Variants in EDA2R observed in about 807,000 individuals in gnomAD.
EDA2R encodes ectodysplasin A2 receptor, also known as tumor necrosis factor receptor superfamily member 27.
Under a neutral mutation model 20.1 loss-of-function variants are expected in EDA2R, and 26 were observed. That is an observed-to-expected ratio of 1.30 (90% CI 0.95 to 1.80). EDA2R has a LOEUF of 1.80. Ranked by LOEUF, EDA2R falls within the 40% of genes most tolerant of loss-of-function variation. EDA2R has a pLI of 0.00. For synonymous variants in EDA2R, 114 were observed against 88.7 expected, an observed-to-expected ratio of 1.29 and a Z score of -1.60; for missense variants, 277 against 228.7, an observed-to-expected ratio of 1.21 and a Z score of -1.36.
chrX:66,626,187 G>T (rs1342018327), intron 1 of EDA2R, among the ~76,000 whole-genome samples: 1 of 111,815 alleles, frequency 8.9e-6, no homozygotes, highest in Non-Finnish European at 1.9e-5. Context: ...ACCTGAAAAA[G>T]AATTCAGGAG....
At chrX:66,632,372 C>T (rs1324486537) in intron 1 of EDA2R, among the ~76,000 whole-genome samples, 2 of 109,713 alleles carry the variant, frequency 1.8e-5, no homozygotes, top group Non-Finnish European at 3.8e-5. Context: ...TGCAGTGAGC[C>T]GAGATTGTGC....
intron 1 of EDA2R, among the ~76,000 whole-genome samples, chrX:66,631,392 G>A (rs1204572657): frequency 9.1e-6 from 1 of 110,481 alleles, no homozygotes; most frequent in African/African-American, 3.3e-5. Flanking sequence ...AAAATACTGA[G>A]GCTCAGAGGG....
intron 1 of EDA2R, among the ~76,000 whole-genome samples, chrX:66,621,136 G>A (rs1295934422): frequency 9.0e-6 from 1 of 110,561 alleles, no homozygotes; most frequent in African/African-American, 3.3e-5. Context: ...AATTAGCCGG[G>A]GATGGTGGCA....
intron 1 of EDA2R, among the ~76,000 whole-genome samples, chrX:66,623,474 A>C (rs1405627965): frequency 8.9e-6 from 1 of 112,185 alleles, no homozygotes; most frequent in Non-Finnish European, 1.9e-5. Flanking sequence ...TATAACTTAA[A>C]AAATGAATGG....
intron 2 of EDA2R, among the ~76,000 whole-genome samples, chrX:66,613,204 G>A (rs1418903226): frequency 9.0e-6 from 1 of 111,542 alleles, no homozygotes; most frequent in Non-Finnish European, 1.9e-5. Flanking sequence ...CAAATCAACA[G>A]ATGATACTAA....
intron 2 of EDA2R, among the ~76,000 whole-genome samples, chrX:66,608,540 C>G (rs1413946846): frequency 8.9e-6 from 1 of 111,973 alleles, no homozygotes; most frequent in Non-Finnish European, 1.9e-5. Context: ...AGTGAGATGA[C>G]ATATAAGTGC....
chrX:66,622,861 C>A (rs1052783350), intron 1 of EDA2R, among the ~76,000 whole-genome samples: 1 of 112,365 alleles, frequency 8.9e-6, no homozygotes, highest in African/African-American at 3.2e-5. Flanking sequence ...AACATCATAT[C>A]TTCCTTCTGC....
At chrX:66,600,529 C>T (rs967115859) in intron 5 of EDA2R, among the ~76,000 whole-genome samples, 2 of 111,780 alleles carry the variant, frequency 1.8e-5, no homozygotes, top group Non-Finnish European at 3.8e-5. Flanking sequence ...CAAGCAGATT[C>T]TCTCCCAGAG....
intron 2 of EDA2R, among the ~76,000 whole-genome samples, chrX:66,612,609 A>G (rs1343902877): frequency 9.0e-6 from 1 of 111,439 alleles, no homozygotes; most frequent in Non-Finnish European, 1.9e-5. Flanking sequence ...TGGAACCCAC[A>G]GGAAGGCAAG....
At chrX:66,607,036 G>A (rs767572327) in intron 2 of EDA2R, among the ~76,000 whole-genome samples, 5 of 112,150 alleles carry the variant, frequency 4.5e-5, no homozygotes, top group African/African-American at 1.3e-4. Context: ...CAAAAGCTGG[G>A]GGAGGTTCCT....
intron 1 of EDA2R, among the ~76,000 whole-genome samples, chrX:66,628,562 A>G (rs1245206751): frequency 9.0e-6 from 1 of 110,798 alleles, no homozygotes; most frequent in Non-Finnish European, 1.9e-5. Context: ...TATGAACATC[A>G]TTACACACAT....
chrX:66,625,833 C>T (rs751881102), intron 1 of EDA2R, among the ~76,000 whole-genome samples: 12 of 112,206 alleles, frequency 1.1e-4, no homozygotes, highest in Non-Finnish European at 2.3e-4. Flanking sequence ...TGGTTCACAT[C>T]ACAGGACTCT....
intron 5 of EDA2R, chrX:66,600,151 A>G: frequency 1.1e-6 from 1 of 911,301 alleles, no homozygotes; most frequent in Non-Finnish European, 1.5e-6. Flanking sequence ...CTCCCTTGCC[A>G]TAATCTTCAT....
chrX:66,626,580 T>G (rs1933095575), intron 1 of EDA2R, among the ~76,000 whole-genome samples: 1 of 110,311 alleles, frequency 9.1e-6, no homozygotes, highest in African/African-American at 3.3e-5. Flanking sequence ...AATCTAAAAT[T>G]TTGGAAAACA....
At chrX:66,598,910 G>A (rs1927959471) in intron 6 of EDA2R, among the ~76,000 whole-genome samples, 1 of 111,492 alleles carries the variant, frequency 9.0e-6, no homozygotes, top group African/African-American at 3.3e-5. Context: ...TGGTGGAGTT[G>A]AACCAACTCT....
At chrX:66,619,670 C>T (rs775828631) in intron 1 of EDA2R, among the ~76,000 whole-genome samples, 1 of 111,379 alleles carries the variant, frequency 9.0e-6, no homozygotes, top group Non-Finnish European at 1.9e-5. Flanking sequence ...TCTGATTCTG[C>T]TAAAGCGCAT....
chrX:66,596,800 A>G lies in EDA2R; in HGVS notation c.*1304T>C, dbSNP rs1007105659. On this transcript the variant is annotated 3_prime_UTR_variant, in exon 7 of 7. Coordinates refer to ENST00000374719, the MANE Select transcript of EDA2R (RefSeq NM_021783.5). The stretch of plus-strand genomic sequence containing the variant: ...GGAAACCTAAAGGCCAAGGCCTAAA[A>G]CCTTGGTTACCACATATTTGCTAAT... 1 of 112,522 alleles carries G rather than the reference A, an allele frequency of 8.9e-6. No homozygotes were observed. The highest frequency in any genetic ancestry group is 4.6e-3 in the Middle Eastern group (1 of 218). 9.3% of individuals were successfully genotyped at this position (112,522 alleles called of 1,213,427 possible). A position where few individuals can be genotyped will look rare whatever the true frequency, so the allele number is the denominator to read the frequency against.
intron 2 of EDA2R, among the ~76,000 whole-genome samples, chrX:66,610,478 C>T (rs1930549262): frequency 9.0e-6 from 1 of 111,620 alleles, no homozygotes; most frequent in African/African-American, 3.3e-5. Context: ...TGCCTGACTC[C>T]TCACTTACTC....
At chrX:66,638,513 C>A (rs72627634) in intron 1 of EDA2R, among the ~76,000 whole-genome samples, 1 of 110,576 alleles carries the variant, frequency 9.0e-6, no homozygotes, top group African/African-American at 3.3e-5. Context: ...CCAAGCTCGG[C>A]GGGTGAGGGG....
Sources: allele counts gnomAD v4.1 joint callset (sites outside exome capture counted in the v4.1 genomes callset), GRCh38; gene constraint gnomAD v4.1.1; transcripts MANE v1.5; gene names NCBI Gene and HGNC (gene_info 2026-07-23, HGNC 2026-07-21).